The following SPTBN5 variants were observed in gnomAD, a reference collection of about 807,000 sequenced individuals.
SPTBN5 encodes the protein spectrin beta chain, non-erythrocytic 5.
Under a neutral mutation model 477.6 loss-of-function variants are expected in SPTBN5, and 513 were observed. The observed-to-expected ratio is 1.07, with a 90% CI of 1.00 to 1.16. SPTBN5 has a LOEUF of 1.16. SPTBN5 is among the 50% of genes most tolerant of loss of function. SPTBN5 has a pLI of 0.00. For missense variants in SPTBN5, 5,062 were observed against 4,731.8 expected (o/e 1.07, Z -2.05); for synonymous variants, 2,169 against 2,011.7 (o/e 1.08, Z -2.09).
In SPTBN5 at chr15:41,866,186, T is replaced by C; in HGVS notation, c.6674A>G (p.Glu2225Gly). The C allele has an allele frequency of 6.3e-7, 1 of 1,577,654 alleles. No individual in the cohort carries two copies. Residue 2225 changes from glutamate to glycine, a missense_variant, in exon 38 of 68, where the codon GAG (glutamate) becomes GGG (glycine). Transcript: ENST00000320955. ...LLAQSHPRAG[E>G]VSQRLQGLRK... ...CAGGCCCTGCAGCCGCTGGGAGACCTCTCCGGCTCGAGGGTGACTCTGTGC... is the reference window on the plus strand; with the variant it reads ...CAGGCCCTGCAGCCGCTGGGAGACCCCTCCGGCTCGAGGGTGACTCTGTGC...
In SPTBN5 at chr15:41,852,313, C is replaced by T; in HGVS notation, c.10453G>A (p.Glu3485Lys). The T allele has an allele frequency of 6.3e-7, 1 of 1,584,280 alleles. No individual in the cohort carries two copies. Residue 3485 changes from glutamate (E) to lysine (K), a missense_variant, in exon 62 of 68, where the codon GAA becomes AAA. Transcript: ENST00000320955. ...TGTGGCTGCAGCAGGAGCTCCTGTT[C>T]CATCTTGGGGAGTGGGCAAGGTGGG... is the stretch of plus-strand genomic sequence containing the variant. ...KFAQMQKTEMEQELLLQPQEL... is the reference protein window; with the variant it reads ...KFAQMQKTEMKQELLLQPQEL...
At position 41,874,184 on chromosome 15, in the gene SPTBN5, T is replaced by C. The variant is rs2066639442; in HGVS notation, c.4689+108A>G. 3 of 1,501,910 alleles carry C rather than the reference T, an allele frequency of 2.0e-6. No homozygotes were observed. The Admixed American group carries it at 5.7e-5, about 29-fold the overall frequency. 93.0% of individuals were successfully genotyped at this position (1,501,910 alleles called of 1,614,324 possible). A position where few individuals can be genotyped will look rare whatever the true frequency, so the allele number is the denominator to read the frequency against. On this transcript the variant is annotated intron_variant, in intron 24 of 67. Coordinates refer to ENST00000320955, the MANE Select transcript of SPTBN5 (RefSeq NM_016642.4). ...TGGGGCAGAGATTTGGAAATTGGGATACCCAGGGGTGAGGGCTTAGAGGCC... is the reference window on the plus strand; with the variant it reads ...TGGGGCAGAGATTTGGAAATTGGGACACCCAGGGGTGAGGGCTTAGAGGCC...
Position 41,887,210 on chromosome 15 carries a change from C to A in SPTBN5, c.888+3G>T, listed in dbSNP as rs377196221. ...CTCACCCCACCCCTCCTTTCTCCCCCACCTTAGTGAGTCTCCTCTGGACAG... is the reference window on the plus strand; with the variant it reads ...CTCACCCCACCCCTCCTTTCTCCCCAACCTTAGTGAGTCTCCTCTGGACAG... On this transcript the variant is annotated splice_donor_region_variant and intron_variant, in intron 6 of 67. Coordinates refer to ENST00000320955, the MANE Select transcript of SPTBN5 (RefSeq NM_016642.4). The A allele has an allele frequency of 2.6e-6, 4 of 1,551,312 alleles. No individual in the cohort carries two copies. The highest frequency in any genetic ancestry group is 2.4e-5 in the East Asian group (1 of 40,936).
At position 41,868,097 on chromosome 15, in the gene SPTBN5, C is replaced by T. The variant is rs371700757; in HGVS notation, c.6179G>A (p.Arg2060His). 554 of 1,603,630 alleles carry T rather than the reference C, an allele frequency of 3.5e-4. 4 individuals are homozygous for T. In the East Asian group the frequency reaches 7.8e-3, roughly 23 times the overall value. The part of the protein sequence containing the change: ...QEQLFLRECG[R>H]LEEILAAQEV... ...CTGGGCCGCGAGGATCTCCTCCAGG[C>T]GGCCGCACTCTCTGAGGAAGAGCTG... The change falls in exon 34 of 68, where the codon CGC (arginine) becomes CAC (histidine). Residue 2060 changes from arginine (R) to histidine (H), a missense_variant. Arg to His is a conservative substitution (Grantham distance 29). Transcript: ENST00000320955.
chr15:41,854,820 A>C lies in SPTBN5; in HGVS notation c.9580T>G (p.Trp3194Gly). Reference sequence around the variant, plus strand: ...TTTATTGCTTGGTCCAACCTCTCCCAAGCAGCCTCAATGCGGCTCCTCTGG... The same window carrying C: ...TTTATTGCTTGGTCCAACCTCTCCCCAGCAGCCTCAATGCGGCTCCTCTGG... ...QAQRSRIEAAWERLDQAIKAR... is the reference protein window; with the variant it reads ...QAQRSRIEAAGERLDQAIKAR... The change falls in exon 56 of 68, where the codon TGG becomes GGG. Residue 3194 changes from tryptophan to glycine, a missense_variant. By Grantham distance (184) the Trp-to-Gly change is radical. Transcript: ENST00000320955. 6.3e-7 allele frequency: 1 copy of C among 1,582,936 alleles called. No homozygotes were observed. The highest frequency in any genetic ancestry group is 8.6e-7 in the Non-Finnish European group (1 of 1,165,866).
At chr15:41,863,406 CAG>C (rs775921760) in intron 41 of SPTBN5, among the ~76,000 whole-genome samples, 25 of 152,308 alleles carry the variant, frequency 1.6e-4, no homozygotes, top group Admixed American at 9.8e-4. Context: ...TGGGAGGAAA[CAG>C]AGAGTGTGTT....
At chr15:41,848,997 G>A (rs1255746405) in intron 67 of SPTBN5, among the ~76,000 whole-genome samples, 1 of 152,194 alleles carries the variant, frequency 6.6e-6, no homozygotes, top group African/African-American at 2.4e-5. Flanking sequence ...GCAGGACTGG[G>A]AGCAGATGGT....
At chr15:41,866,000 C>T (rs1235329267) in intron 38 of SPTBN5, 38 bp downstream of exon 38, 1 of 1,547,356 alleles carries the variant, frequency 6.5e-7, no homozygotes, top group South Asian at 1.2e-5. Flanking sequence ...GAGGGCTCCT[C>T]CCCCCATCTC....
chr15:41,866,653 C>T (rs1013551729), intron 36 of SPTBN5, 160 bp from the exon 37 acceptor site: 1 of 929,258 alleles, frequency 1.1e-6, no homozygotes, highest in Non-Finnish European at 1.5e-6. Flanking sequence ...AAGGTTGCTG[C>T]AGGAGGCAGC....
At chr15:41,873,682 CT>C in intron 25 of SPTBN5, 74 bp from the exon 26 acceptor site, 1 of 1,459,996 alleles carries the variant, frequency 6.8e-7, no homozygotes, top group South Asian at 1.2e-5. Flanking sequence ...ACATCTGCCC[CT>C]GCTCTCCAGC....
intron 52 of SPTBN5, 95 bp downstream of exon 52, chr15:41,856,758 C>T: frequency 2.2e-6 from 3 of 1,391,658 alleles, no homozygotes; most frequent in Non-Finnish European, 2.9e-6. Flanking sequence ...CCCCCACAGG[C>T]AGAGAGTTCC....
Position 41,849,919 on chromosome 15 carries a change from G to A in SPTBN5, c.10962C>T (p.Ser3654=). ...LSPKLKAKPV[S]SLNECTTKDA... ...CCTTGGTCGTGCACTCATTCAGAGA[G>A]CTGACAGGTTTGGCTTTGAGTTTTG... is the stretch of plus-strand genomic sequence containing the variant. Residue 3654 remains serine (S), a synonymous_variant, in exon 67 of 68, where the codon AGC becomes AGT. Transcript: ENST00000320955. The A allele has an allele frequency of 1.3e-6, 2 of 1,597,554 alleles. No homozygotes were observed. The highest frequency in any genetic ancestry group is 1.7e-6 in the Non-Finnish European group (2 of 1,171,822).
chr15:41,873,925 G>T lies in SPTBN5; in HGVS notation c.4810C>A (p.Leu1604Met). The change falls in exon 25 of 68, where the codon CTG (leucine) becomes ATG (methionine). Residue 1604 changes from leucine (L) to methionine (M), a missense_variant. Coordinates refer to ENST00000320955, the MANE Select transcript of SPTBN5 (RefSeq NM_016642.4). ...AQHIVEQCQE[L>M]EGHWAELERA... is the part of the protein sequence containing the mutation. Reference sequence around the variant, plus strand: ...TCCAGCTCTGCCCAGTGGCCTTCCAGCTCCTGGCACTGCTCCACGATGTGT... The same window carrying T: ...TCCAGCTCTGCCCAGTGGCCTTCCATCTCCTGGCACTGCTCCACGATGTGT... 6.2e-7 allele frequency: 1 copy of T among 1,610,880 alleles called. No individual in the cohort carries two copies.
Position 41,850,883 on chromosome 15 carries a change from C to G in SPTBN5, c.10892G>C (p.Ser3631Thr), listed in dbSNP as rs1219998064. ...AGTGCTGCCCAGGGCTCGCCACCAGCTCTCAGCCTGCTCTTCGGACGGTGC... is the reference window on the plus strand; with the variant it reads ...AGTGCTGCCCAGGGCTCGCCACCAGGTCTCAGCCTGCTCTTCGGACGGTGC... ...FAAPSEEQAESWWRALGSTAA... is the reference protein window; with the variant it reads ...FAAPSEEQAETWWRALGSTAA... Residue 3631 changes from serine (S) to threonine (T), a missense_variant, in exon 66 of 68, where the codon AGC becomes ACC. Physicochemically the swap from Ser to Thr is moderately conservative, Grantham distance 58. Coordinates refer to ENST00000320955, the MANE Select transcript of SPTBN5 (RefSeq NM_016642.4). The G allele has an allele frequency of 1.2e-6, 2 of 1,603,672 alleles. No individual in the cohort carries two copies. The highest frequency in any genetic ancestry group is 2.3e-5 in the East Asian group (1 of 44,346).
chr15:41,873,687 C>T (rs1595484139), intron 25 of SPTBN5, 79 bp from the exon 26 acceptor site: 3 of 1,457,104 alleles, frequency 2.1e-6, no homozygotes. Context: ...TGCCCCTGCT[C>T]TCCAGCATCA....
chr15:41,851,085 G>A lies in SPTBN5; in HGVS notation c.10809C>T (p.His3603=), dbSNP rs374980494. ...GARCERLRGR[H]GRKHTFSLRL... is the part of the protein sequence containing the mutation. ...TTAAGGAGAATGTGTGTTTCCTGCC[G>A]TGGCGGCCCCGCAGCCTCTCACACC... Residue 3603 remains histidine (H), a synonymous_variant, in exon 65 of 68, where the codon CAC becomes CAT. Transcript: ENST00000320955. 100 of 1,612,750 alleles carry A rather than the reference G, an allele frequency of 6.2e-5. No individual in the cohort carries two copies. The African/African-American group carries it at 7.1e-4, about 11-fold the overall frequency.
Position 41,870,485 on chromosome 15 carries a change from T to A in SPTBN5, c.5523A>T (p.Arg1841Ser), listed in dbSNP as rs779198661. ...HALRDTETTLRVHRDLLEVLT... is the reference protein window; with the variant it reads ...HALRDTETTLSVHRDLLEVLT... ...GGACTTCCAAGAGATCTCTGTGAACTCTGAGGGTGGTCTCGGTGTCTCGGA... is the reference window on the plus strand; with the variant it reads ...GGACTTCCAAGAGATCTCTGTGAACACTGAGGGTGGTCTCGGTGTCTCGGA... Residue 1841 changes from arginine (R) to serine (S), a missense_variant, in exon 30 of 68, where the codon AGA (arginine) becomes AGT (serine). Coordinates refer to ENST00000320955, the MANE Select transcript of SPTBN5 (RefSeq NM_016642.4). The A allele has an allele frequency of 8.3e-5, 134 of 1,613,496 alleles. 1 individual carries two copies. In the South Asian group the frequency reaches 1.2e-3, roughly 14 times the overall value.
chr15:41,858,503 G>A (rs965679559), intron 49 of SPTBN5, 99 bp downstream of exon 49: 13 of 1,403,354 alleles, frequency 9.3e-6, no homozygotes, highest in South Asian at 4.3e-5. Flanking sequence ...ACTGGATAAC[G>A]CTGGCCACCG....
chr15:41,850,733 TTC>T (rs2065724468), intron 66 of SPTBN5, 119 bp downstream of exon 66: 4 of 860,900 alleles, frequency 4.6e-6, no homozygotes, highest in Non-Finnish European at 7.0e-6. Flanking sequence ...TAAGTCCCAC[TTC>T]TTGGAGGTTA....
Sources: allele counts gnomAD v4.1 joint callset (sites outside exome capture counted in the v4.1 genomes callset), GRCh38; gene constraint gnomAD v4.1.1; transcripts MANE v1.5; gene names NCBI Gene and HGNC (gene_info 2026-07-23, HGNC 2026-07-21).